Variants in FNIP1 observed in about 807,000 individuals in gnomAD.
FNIP1 encodes folliculin-interacting protein 1.
FNIP1 carries 40 observed loss-of-function variants against 124.5 expected under a neutral mutation model. That is an observed-to-expected ratio of 0.32 (90% CI 0.25 to 0.42). The LOEUF (loss-of-function observed/expected upper bound fraction) is 0.42. Ranked by LOEUF, FNIP1 falls within the 10% of genes least tolerant of loss-of-function variation. FNIP1 has a pLI of 1.00. For missense variants in FNIP1, 1,176 were observed against 1,403.7 expected (o/e 0.84, Z 2.59); for synonymous variants, 472 against 470.6 (o/e 1.00, Z -0.04).
At chr5:131,731,149 C>T in intron 2 of FNIP1, 111 bp from the exon 3 acceptor site, 1 of 964,284 alleles carries the variant, frequency 1.0e-6, no homozygotes, top group Non-Finnish European at 1.5e-6. Context: ...ACTCAAAATA[C>T]AACATTAATA....
At chr5:131,684,978 T>C (rs1768225173) in intron 11 of FNIP1, among the ~76,000 whole-genome samples, 1 of 152,212 alleles carries the variant, frequency 6.6e-6, no homozygotes, top group African/African-American at 2.4e-5. Flanking sequence ...AAAGAACTAT[T>C]GAAAACATAT....
chr5:131,761,611 G>C (rs1459747347), intron 1 of FNIP1, among the ~76,000 whole-genome samples: 1 of 151,688 alleles, frequency 6.6e-6, no homozygotes, highest in Non-Finnish European at 1.5e-5. Flanking sequence ...AAATTAATGA[G>C]GACATTAAAA....
chr5:131,669,056 G>C (rs1767679756), intron 15 of FNIP1, among the ~76,000 whole-genome samples: 1 of 152,090 alleles, frequency 6.6e-6, no homozygotes. Flanking sequence ...AAACTAAAAG[G>C]ATTGTAAGTG....
intron 11 of FNIP1, among the ~76,000 whole-genome samples, chr5:131,686,085 T>C (rs566539205): frequency 6.6e-6 from 1 of 152,342 alleles, no homozygotes; most frequent in South Asian, 2.1e-4. Flanking sequence ...TTTTACCCAA[T>C]TGATAGTATT....
intron 1 of FNIP1, chr5:131,796,438 G>A (rs1257894833): frequency 1.4e-5 from 3 of 215,038 alleles, no homozygotes; most frequent in Admixed American, 5.8e-5. Flanking sequence ...GGGAGGAGGG[G>A]AGAACTTCGC....
In FNIP1 at chr5:131,672,091, T is replaced by C; in HGVS notation, c.2353A>G (p.Lys785Glu). Reference sequence around the variant, plus strand: ...TGATCAATAGCCCCTCTTTCTTCCTTCAATGGTTTGGTGTGATGTCTGGTA... The same window carrying C: ...TGATCAATAGCCCCTCTTTCTTCCTCCAATGGTTTGGTGTGATGTCTGGTA... ...QITRHHTKPLKEERGAIDQHQ... is the reference protein window; with the variant it reads ...QITRHHTKPLEEERGAIDQHQ... The change falls in exon 14 of 18, where the codon AAG (lysine) becomes GAG (glutamate). Residue 785 changes from lysine (K) to glutamate (E), a missense_variant. Physicochemically the swap from Lys to Glu is moderately conservative, Grantham distance 56. This residue lies in a region of FNIP1 where 1,109 missense variants were observed against 1,288.5 expected (regional missense o/e 0.86). Transcript: ENST00000510461. The C allele has an allele frequency of 6.2e-7, 1 of 1,614,208 alleles. No individual in the cohort carries two copies. The highest frequency in any genetic ancestry group is 8.5e-7 in the Non-Finnish European group (1 of 1,180,038).
chr5:131,729,249 G>A (rs10075632), intron 3 of FNIP1, among the ~76,000 whole-genome samples: 12,447 of 152,206 alleles, frequency 0.082, 1,083 homozygotes, highest in African/African-American at 0.22. Flanking sequence ...GAGTCAAAAG[G>A]CAGGAACATT....
chr5:131,781,406 G>A (rs1244348376), intron 1 of FNIP1, among the ~76,000 whole-genome samples: 4 of 152,222 alleles, frequency 2.6e-5, no homozygotes, highest in Non-Finnish European at 5.9e-5. Context: ...TAGCCAGACA[G>A]GAGAAATCAA....
chr5:131,692,162 A>C (rs1768502375), intron 11 of FNIP1, among the ~76,000 whole-genome samples: 1 of 152,220 alleles, frequency 6.6e-6, no homozygotes, highest in Non-Finnish European at 1.5e-5. Flanking sequence ...AATCGAAAGA[A>C]AAAAACAACT....
chr5:131,744,624 T>C lies in FNIP1; in HGVS notation c.159A>G (p.Arg53=), dbSNP rs745336885. ...RLIVYQDCER[R]GRNVLFDSSV... ...TGGAGTCAAACAAAACATTTCTCCC[T>C]CGTCTTTCACAGTCTTGATATACAA... The change falls in exon 2 of 18, where the codon CGA becomes CGG. Residue 53 remains arginine (R), a synonymous_variant. Transcript: ENST00000510461. 6.2e-7 allele frequency: 1 copy of C among 1,612,442 alleles called. No homozygotes were observed.
At chr5:131,652,674 G>T (rs182051714) in intron 15 of FNIP1, among the ~76,000 whole-genome samples, 1 of 152,104 alleles carries the variant, frequency 6.6e-6, no homozygotes, top group Non-Finnish European at 1.5e-5. Flanking sequence ...AACAGGACAG[G>T]ACAGGACAGA....
chr5:131,795,410 T>C (rs1772550348), intron 1 of FNIP1, among the ~76,000 whole-genome samples: 1 of 152,230 alleles, frequency 6.6e-6, no homozygotes, highest in South Asian at 2.1e-4. Context: ...GAGAGCCTTG[T>C]AAACCTACGT....
chr5:131,703,955 G>T, intron 10 of FNIP1, 110 bp downstream of exon 10: 1 of 891,128 alleles, frequency 1.1e-6, no homozygotes, highest in Non-Finnish European at 1.7e-6. Context: ...GCACTTTATA[G>T]GACACATGCA....
chr5:131,785,712 T>C (rs1197632647), intron 1 of FNIP1, among the ~76,000 whole-genome samples: 1 of 152,114 alleles, frequency 6.6e-6, no homozygotes, highest in South Asian at 2.1e-4. Flanking sequence ...TTAAAAAAAA[T>C]TTAAAATATT....
chr5:131,663,597 C>G (rs1767510829), intron 15 of FNIP1, among the ~76,000 whole-genome samples: 1 of 152,172 alleles, frequency 6.6e-6, no homozygotes, highest in African/African-American at 2.4e-5. Flanking sequence ...TTTGGCAGGT[C>G]AAACACTGTT....
At chr5:131,653,083 G>A (rs1215507305) in intron 15 of FNIP1, among the ~76,000 whole-genome samples, 1 of 152,224 alleles carries the variant, frequency 6.6e-6, no homozygotes, top group Admixed American at 6.5e-5. Flanking sequence ...CTCAGCACCA[G>A]AGAAGGTATT....
In FNIP1 at chr5:131,719,289, G is replaced by A. The variant is rs767333416; in HGVS notation, c.455+28C>T. ...ACGAAAATATCTAAAAATGGGACTCGTTAAAAAAAAATCAGAAAACCTCTC... is the reference window on the plus strand; with the variant it reads ...ACGAAAATATCTAAAAATGGGACTCATTAAAAAAAAATCAGAAAACCTCTC... On this transcript the variant is annotated intron_variant, in intron 4 of 17. Coordinates refer to ENST00000510461, the MANE Select transcript of FNIP1 (RefSeq NM_133372.3). 1.0e-5 allele frequency: 16 copies of A among 1,573,242 alleles called. No homozygotes were observed. The South Asian group carries it at 1.5e-4, about 15-fold the overall frequency.
intron 13 of FNIP1, among the ~76,000 whole-genome samples, chr5:131,675,648 G>C (rs1767888162): frequency 6.6e-6 from 1 of 152,000 alleles, no homozygotes; most frequent in South Asian, 2.1e-4. Context: ...TAAAACTCTA[G>C]AAAATGCAAG....
At chr5:131,674,286 T>C (rs1449603966) in intron 13 of FNIP1, among the ~76,000 whole-genome samples, 1 of 152,194 alleles carries the variant, frequency 6.6e-6, no homozygotes, top group Non-Finnish European at 1.5e-5. Context: ...CAGTTCATTT[T>C]CACTTTTGAA....
Sources: gnomAD v4.1 joint callset for allele counts (sites outside exome capture counted in the v4.1 genomes callset) on GRCh38, gnomAD v4.1.1 for gene constraint, gnomAD v4.1.1 regional missense constraint, MANE v1.5 for transcripts, NCBI Gene and HGNC (gene_info 2026-07-23, HGNC 2026-07-21) for gene names.